USP34: variants seen among roughly 807,000 people sequenced by gnomAD.
USP34 encodes ubiquitin specific peptidase 34, also known as ubiquitin carboxyl-terminal hydrolase 34.
USP34 carries 70 observed loss-of-function variants against 460.3 expected under a neutral mutation model. The ratio of observed to expected loss-of-function variants is 0.15; its 90% CI spans 0.13 to 0.19. The LOEUF (loss-of-function observed/expected upper bound fraction) is 0.19, where lower values mean the gene tolerates loss of function less well. Among genes scored for constraint, USP34 ranks in the 10% least tolerant of loss-of-function variants. The pLI is 1.00. For synonymous variants in USP34, 1,647 were observed against 1,405.3 expected (o/e 1.17, Z -3.85); for missense variants, 3,985 against 4,236.2 (o/e 0.94, Z 1.65).
Position 61,301,007 on chromosome 2 carries a change from C to T in USP34, c.4072G>A (p.Glu1358Lys), listed in dbSNP as rs1690202298. 1 of 1,613,844 alleles carries T rather than the reference C, an allele frequency of 6.2e-7. No individual in the cohort carries two copies. The highest frequency in any genetic ancestry group is 8.5e-7 in the Non-Finnish European group (1 of 1,179,988). ...GGTGGTTTAAATGATGCAAGCATCT[C>T]TAATAAATCAAAAAGAGTAGTTAAA... ...PHLTTLFDLL[E>K]MLASFKPPSG... The change falls in exon 29 of 80, where the codon GAG (glutamate) becomes AAG (lysine). Residue 1358 changes from glutamate to lysine, a missense_variant. By Grantham distance (56) the Glu-to-Lys change is moderately conservative. This residue lies in a region of USP34 where 1,114 missense variants were observed against 1,122.5 expected (regional missense o/e 0.99). Transcript: ENST00000398571.
At chr2:61,336,288 G>C (rs899947625) in intron 18 of USP34, among the ~76,000 whole-genome samples, 6 of 151,840 alleles carry the variant, frequency 4.0e-5, no homozygotes, top group African/African-American at 1.5e-4. Flanking sequence ...ACCATGCCCA[G>C]CTAATTTTAA....
intron 7 of USP34, 96 bp from the exon 8 acceptor site, chr2:61,378,520 A>G: frequency 4.3e-6 from 3 of 701,328 alleles, no homozygotes; most frequent in Non-Finnish European, 7.3e-6. Context: ...TGACATATGT[A>G]GATCACAATA....
At chr2:61,206,993 G>A (rs1384049632) in intron 70 of USP34, 107 bp from the exon 71 acceptor site, 3 of 1,145,484 alleles carry the variant, frequency 2.6e-6, no homozygotes, top group Admixed American at 5.3e-5. Context: ...CTCAGACTGT[G>A]TGTGCACATG....
intron 1 of USP34, among the ~76,000 whole-genome samples, chr2:61,457,503 T>A (rs1695474682): frequency 1.3e-5 from 2 of 152,204 alleles, no homozygotes; most frequent in African/African-American, 4.8e-5. Flanking sequence ...TGAGACAGAA[T>A]CCTACCTAGT....
chr2:61,316,499 C>T (rs573629591), intron 23 of USP34, among the ~76,000 whole-genome samples: 4 of 151,288 alleles, frequency 2.6e-5, no homozygotes, highest in East Asian at 3.9e-4. Context: ...GCATGAGAAT[C>T]GCTTGAACCC....
Position 61,214,042 on chromosome 2 carries a change from A to C in USP34, c.8682+18T>G. The C allele has an allele frequency of 6.2e-7, 1 of 1,613,484 alleles. No homozygotes were observed. Among genetic ancestry groups the C allele is most frequent in the Non-Finnish European group, 8.5e-7 (1 of 1,179,774 alleles). On this transcript the variant is annotated intron_variant, in intron 68 of 79. Transcript: ENST00000398571. ...ATCTATTTGAGGATACAGATAAAAG[A>C]GTATCAATTTTACTCACTCCAGGGT...
rs534066866 is a variant in USP34 at position 61,428,278 on chromosome 2, G to A, written c.44-7445C>T. ...AAAAAAAGTGATCACCTTTGCAAAT[G>A]TTAAATCAGTCATTGAAAACTGGTT... On this transcript the variant is annotated intron_variant, in intron 1 of 79. Coordinates refer to ENST00000398571, the MANE Select transcript of USP34 (RefSeq NM_014709.4). Among the ~76,000 whole-genome samples the A allele has an allele frequency of 2.1e-5, 3 of 143,862 alleles. No individual in the cohort carries two copies. In the East Asian group the frequency reaches 6.2e-4, roughly 30 times the overall value. 94.4% of individuals were successfully genotyped at this position (143,862 alleles called of 152,430 possible).
chr2:61,394,129 A>T (rs1386423378), intron 5 of USP34, among the ~76,000 whole-genome samples: 1 of 152,182 alleles, frequency 6.6e-6, no homozygotes, highest in African/African-American at 2.4e-5. Flanking sequence ...TCAAAAAAAT[A>T]AATAAAAGTA....
intron 2 of USP34, among the ~76,000 whole-genome samples, chr2:61,406,439 C>G (rs1439242392): frequency 6.6e-6 from 1 of 151,978 alleles, no homozygotes; most frequent in Non-Finnish European, 1.5e-5. Flanking sequence ...GTGTCAAGTA[C>G]TCAATATATG....
chr2:61,301,140 A>T lies in USP34; in HGVS notation c.3939T>A (p.Gly1313=). 3 of 1,604,990 alleles carry T rather than the reference A, an allele frequency of 1.9e-6. No homozygotes were observed. Among genetic ancestry groups the T allele is most frequent in the Non-Finnish European group, 2.5e-6 (3 of 1,177,610 alleles). Reference sequence around the variant, plus strand: ...CCCCTTTCCGCTCTCTCCTTGGTGCACCCAAAGATACAAATACCATCTATA... The same window carrying T: ...CCCCTTTCCGCTCTCTCCTTGGTGCTCCCAAAGATACAAATACCATCTATA... ...KDMQMVFVSL[G]APRRERKGEG... Residue 1313 remains glycine, a synonymous_variant, in exon 29 of 80, where the codon GGT becomes GGA. Coordinates refer to ENST00000398571, the MANE Select transcript of USP34 (RefSeq NM_014709.4).
intron 10 of USP34, among the ~76,000 whole-genome samples, chr2:61,353,200 G>C (rs1463448496): frequency 6.6e-6 from 1 of 152,288 alleles, no homozygotes; most frequent in South Asian, 2.1e-4. Flanking sequence ...CCGACAGCTA[G>C]CTGATTGCTA....
chr2:61,403,563 T>C (rs1443023157), intron 3 of USP34, among the ~76,000 whole-genome samples: 1 of 152,324 alleles, frequency 6.6e-6, no homozygotes, highest in African/African-American at 2.4e-5. Context: ...ATATATTTTA[T>C]ATCATGTAAG....
chr2:61,461,078 C>T (rs1041133172), intron 1 of USP34, among the ~76,000 whole-genome samples: 8 of 150,920 alleles, frequency 5.3e-5, no homozygotes, highest in Admixed American at 1.3e-4. Flanking sequence ...AGAAAAAAAG[C>T]GAGCTTTGAA....
chr2:61,421,864 C>G (rs972774532), intron 1 of USP34, among the ~76,000 whole-genome samples: 9 of 152,168 alleles, frequency 5.9e-5, no homozygotes, highest in African/African-American at 2.2e-4. Context: ...AGCACACTTC[C>G]TCAACTCAGC....
chr2:61,358,794 A>G (rs1692185154), intron 10 of USP34, among the ~76,000 whole-genome samples: 1 of 152,236 alleles, frequency 6.6e-6, no homozygotes. Flanking sequence ...TCAAAATGCA[A>G]AAATCAGCTA....
At chr2:61,230,839 C>T (rs1316498610) in intron 58 of USP34, among the ~76,000 whole-genome samples, 5 of 112,228 alleles carry the variant, frequency 4.5e-5, no homozygotes, top group South Asian at 2.7e-4. Flanking sequence ...AGCGAAACTC[C>T]GTCTCAAAAA....
At chr2:61,213,936 C>T in intron 68 of USP34, 124 bp downstream of exon 68, 2 of 1,156,642 alleles carry the variant, frequency 1.7e-6, no homozygotes, top group Non-Finnish European at 2.4e-6. Context: ...AACAAATACA[C>T]ATTAAGTTCT....
In USP34 at chr2:61,405,866, A is replaced by T. The variant is rs1193014137; in HGVS notation, c.394T>A (p.Cys132Ser). The T allele has an allele frequency of 6.2e-7, 1 of 1,613,898 alleles. No homozygotes were observed. The change falls in exon 3 of 80, where the codon TGT becomes AGT. Residue 132 changes from cysteine (C) to serine (S), a missense_variant. This residue lies in a region of USP34 where 331 missense variants were observed against 293.7 expected (regional missense o/e 1.13). Coordinates refer to ENST00000398571, the MANE Select transcript of USP34 (RefSeq NM_014709.4). ...IEKKSNSTRI[C>S]NLTEEESSKS... is the part of the protein sequence containing the mutation. ...GAAGATTCCTCCTCAGTCAGATTACAAATTCTTGTAGAGTTTGATTTTTTT... is the reference window on the plus strand; with the variant it reads ...GAAGATTCCTCCTCAGTCAGATTACTAATTCTTGTAGAGTTTGATTTTTTT...
At chr2:61,245,143 G>T in intron 51 of USP34, 67 bp downstream of exon 51, 2 of 1,207,738 alleles carry the variant, frequency 1.7e-6, no homozygotes, top group Non-Finnish European at 2.4e-6. Flanking sequence ...CTCTGCTATT[G>T]GATTTTATGA....
Sources: allele counts gnomAD v4.1 joint callset (sites outside exome capture counted in the v4.1 genomes callset), GRCh38; gene constraint gnomAD v4.1.1; regional missense constraint gnomAD v4.1.1; transcripts MANE v1.5; gene names NCBI Gene and HGNC (gene_info 2026-07-23, HGNC 2026-07-21).